TJP2: variants seen among roughly 807,000 people sequenced by gnomAD.
The protein encoded by TJP2 is Friedreich ataxia region gene X104 (tight junction protein ZO-2).
A neutral mutation model predicts 133.1 loss-of-function variants in TJP2; 91 were observed. That is an observed-to-expected ratio of 0.68 (90% CI 0.58 to 0.81). TJP2 has a LOEUF of 0.81. TJP2 is among the 40% of genes least tolerant of loss of function. The pLI is 0.00. For missense variants in TJP2, 1,541 were observed against 1,565.6 expected (o/e 0.98, Z 0.26); for synonymous variants, 592 against 583.4 (o/e 1.01, Z -0.21).
chr9:69,163,868 C>T (rs953485088), intron 2 of TJP2, among the ~76,000 whole-genome samples: 5 of 152,084 alleles, frequency 3.3e-5, no homozygotes, highest in East Asian at 1.9e-4. Flanking sequence ...GTAATGATGT[C>T]CCTTTAGCAG....
intron 2 of TJP2, among the ~76,000 whole-genome samples, chr9:69,153,791 G>A (rs1322011048): frequency 1.3e-5 from 2 of 152,170 alleles, no homozygotes; most frequent in African/African-American, 4.8e-5. Context: ...ACTATGAACT[G>A]CATGCCTTTC....
At chr9:69,132,455 T>C (rs1256673675) in intron 1 of TJP2, among the ~76,000 whole-genome samples, 1 of 152,186 alleles carries the variant, frequency 6.6e-6, no homozygotes, top group Non-Finnish European at 1.5e-5. Context: ...GATCTGTTAA[T>C]GCAGCCTCGG....
chr9:69,171,816 A>G (rs1189036171), upstream of TJP2, among the ~76,000 whole-genome samples: 8 of 9,508 alleles, frequency 8.4e-4, no homozygotes, highest in Non-Finnish European at 1.7e-3. Context: ...TTTTTTTTTG[A>G]GACGGAATCT....
At chr9:69,134,856 C>A (rs1429930240) in intron 1 of TJP2, among the ~76,000 whole-genome samples, 1 of 151,996 alleles carries the variant, frequency 6.6e-6, no homozygotes, top group Non-Finnish European at 1.5e-5. Flanking sequence ...GAACCCTTTT[C>A]CTGGCTTGCA....
At chr9:69,237,710 G>A (rs1830294525) in intron 14 of TJP2, among the ~76,000 whole-genome samples, 168 bp from the exon 15 acceptor site, 1 of 152,126 alleles carries the variant, frequency 6.6e-6, no homozygotes, top group African/African-American at 2.4e-5. Flanking sequence ...GTTTTAAATG[G>A]TGAGGATAGT....
intron 5 of TJP2, among the ~76,000 whole-genome samples, chr9:69,224,658 C>G (rs889878352): frequency 1.3e-5 from 2 of 152,072 alleles, no homozygotes; most frequent in Non-Finnish European, 2.9e-5. Context: ...GCCTGGGTGA[C>G]AAAGCAAGAT....
At chr9:69,227,728 ATTTTAT>A in intron 7 of TJP2, 31 bp from the exon 8 acceptor site, 1 of 1,387,958 alleles carries the variant, frequency 7.2e-7, no homozygotes, top group Non-Finnish European at 1.0e-6. Flanking sequence ...TATTTTAAAT[ATTTTAT>A]TTAAAAGTCT....
chr9:69,216,106 C>T (rs1044448600), intron 2 of TJP2, among the ~76,000 whole-genome samples: 7 of 152,146 alleles, frequency 4.6e-5, no homozygotes, highest in Non-Finnish European at 8.8e-5. Flanking sequence ...TCTGCACTAT[C>T]AATCTTTTCC....
At chr9:69,237,784 A>T in intron 14 of TJP2, 94 bp from the exon 15 acceptor site, 2 of 893,424 alleles carry the variant, frequency 2.2e-6, no homozygotes, top group Non-Finnish European at 3.7e-6. Context: ...TCTTTCGTTT[A>T]GTTATGTTAT....
chr9:69,237,766 CCA>C (rs1563947515), intron 14 of TJP2, 110 bp from the exon 15 acceptor site: 3 of 787,304 alleles, frequency 3.8e-6, no homozygotes, highest in African/African-American at 3.4e-5. Context: ...TGGGGAGAAA[CCA>C]CAGTTTCTTT....
At chr9:69,186,795 C>G (rs1000278942) in intron 1 of TJP2, among the ~76,000 whole-genome samples, 4 of 152,166 alleles carry the variant, frequency 2.6e-5, no homozygotes, top group African/African-American at 9.7e-5. Context: ...TTTGATTTGA[C>G]AATATTCTTT....
chr9:69,250,902 C>CA, intron 20 of TJP2, 133 bp from the exon 21 acceptor site: 1 of 980,740 alleles, frequency 1.0e-6, no homozygotes, highest in South Asian at 1.3e-5. Flanking sequence ...TGCTGTATTA[C>CA]ATTCCTTGTC....
chr9:69,217,917 C>A (rs1005182042), intron 3 of TJP2, among the ~76,000 whole-genome samples: 1 of 152,114 alleles, frequency 6.6e-6, no homozygotes, highest in African/African-American at 2.4e-5. Flanking sequence ...TGAAGCCCAC[C>A]GTGCACCTCA....
chr9:69,222,173 G>A (rs917131258), intron 5 of TJP2, among the ~76,000 whole-genome samples: 5 of 109,050 alleles, frequency 4.6e-5, no homozygotes, highest in Non-Finnish European at 9.2e-5. Context: ...CACCTGGCCA[G>A]CTAACTTTTT....
chr9:69,203,606 G>GGTTTTTT (rs1330482251), intron 1 of TJP2, among the ~76,000 whole-genome samples: 3 of 57,584 alleles, frequency 5.2e-5, no homozygotes, highest in South Asian at 5.2e-4. Flanking sequence ...GCCCAGCCTG[G>GGTTTTTT]ATTTTTTTTT....
At chr9:69,196,925 ATATGTG>A (rs1217318496) in intron 1 of TJP2, among the ~76,000 whole-genome samples, 19 of 56,852 alleles carry the variant, frequency 3.3e-4, no homozygotes, top group African/African-American at 8.8e-4. Flanking sequence ...TTTTATATAT[ATATGTG>A]TGTGTGTGTG....
rs574576793 is a variant in TJP2, at chr9:69,145,499, TA to T, written c.-130-6151del. ...CTTTATTCAGAATTATTTAGCCTTGTATAATACTGCCATTGCAGGGAAATCT... is the reference window on the plus strand; with the variant it reads ...CTTTATTCAGAATTATTTAGCCTTGTTAATACTGCCATTGCAGGGAAATCT... On this transcript the variant is annotated intron_variant, in intron 1 of 5. Coordinates refer to the TJP2 transcript ENST00000423935. 3.2e-4 allele frequency: 115 copies of T among 361,294 alleles called. 2 individuals carry two copies. The South Asian group carries it at 0.015, about 47-fold the overall frequency. The allele number at this position is 361,294 out of a possible 1,614,324, so 22.4% of individuals were successfully genotyped here.
In TJP2 at chr9:69,225,897, A is replaced by G; in HGVS notation, c.1057-125A>G. ...AACGACAATTCATTTTTATTGAGTC[A>G]TCCTAAAGCCAATATCTGTTTGAAT... On this transcript the variant is annotated intron_variant, in intron 6 of 22. Coordinates refer to ENST00000377245, the MANE Select transcript of TJP2 (RefSeq NM_004817.4). The G allele has an allele frequency of 6.9e-6, 7 of 1,014,536 alleles. No individual in the cohort carries two copies. In the South Asian group the frequency reaches 1.1e-4, roughly 15 times the overall value. 62.8% of individuals were successfully genotyped at this position (1,014,536 alleles called of 1,614,324 possible). A position where few individuals can be genotyped will look rare whatever the true frequency, so the allele number is the denominator to read the frequency against.
At position 69,228,011 on chromosome 9, in the gene TJP2, C is replaced by T. The variant is rs17062723; in HGVS notation, c.1350C>T (p.Ser450=). Residue 450 remains serine, a synonymous_variant, in exon 9 of 23, where the codon TCC becomes TCT. Coordinates refer to ENST00000377245, the MANE Select transcript of TJP2 (RefSeq NM_004817.4). The stretch of plus-strand genomic sequence containing the variant: ...GAGAGGACACGCCGAGCAGATTGTC[C>T]AGGATGGGTGCGACACCCACTCCCT... ...SSREDTPSRL[S]RMGATPTPFK... 4.1e-3 allele frequency: 6,697 copies of T among 1,614,096 alleles called. 237 individuals are homozygous for T. In the African/African-American group the frequency reaches 0.078, roughly 19 times the overall value.
Sources: gnomAD v4.1 joint callset for allele counts (sites outside exome capture counted in the v4.1 genomes callset) on GRCh38, gnomAD v4.1.1 for gene constraint, MANE v1.5 for transcripts, NCBI Gene and HGNC (gene_info 2026-07-23, HGNC 2026-07-21) for gene names.